Variants in RABL2A observed in about 807,000 individuals in gnomAD.
The protein encoded by RABL2A is RAB, member of RAS oncogene family like 2A.
A neutral mutation model predicts 30.7 loss-of-function variants in RABL2A; 17 were observed. The ratio of observed to expected loss-of-function variants is 0.55; its 90% CI spans 0.38 to 0.83. The LOEUF (loss-of-function observed/expected upper bound fraction) is 0.83. RABL2A is among the 40% of genes least tolerant of loss of function. The pLI is 0.00. For missense variants in RABL2A, 155 were observed against 272.6 expected, an observed-to-expected ratio of 0.57 and a Z score of 3.04; for synonymous variants, 64 against 101.8, an observed-to-expected ratio of 0.63 and a Z score of 2.24.
At chr2:113,640,812 G>A in intron 5 of RABL2A, 82 bp from the exon 6 acceptor site, 1 of 1,594,108 alleles carries the variant, frequency 6.3e-7, no homozygotes, top group African/African-American at 1.3e-5. Flanking sequence ...ATGCTTACCT[G>A]CTTGGGTGTG....
intron 5 of RABL2A, 107 bp from the exon 6 acceptor site, chr2:113,640,787 C>G: frequency 6.4e-7 from 1 of 1,571,500 alleles, no homozygotes; most frequent in East Asian, 2.4e-5. Context: ...TTCCCACAAA[C>G]AGCACCATGT....
chr2:113,633,900 G>C, intron 3 of RABL2A: 3 of 637,176 alleles, frequency 4.7e-6, no homozygotes, highest in Non-Finnish European at 5.1e-6. Context: ...GTAAAATCCT[G>C]TTCTGTGTTT....
intron 5 of RABL2A, 197 bp downstream of exon 5, chr2:113,635,327 C>T (rs1010816531): frequency 3.7e-5 from 22 of 600,928 alleles, no homozygotes; most frequent in African/African-American, 2.8e-4. Context: ...TCTCTGTAGG[C>T]GGGGATGGGT....
intron 5 of RABL2A, among the ~76,000 whole-genome samples, chr2:113,635,750 C>A (rs2922399): frequency 6.6e-6 from 1 of 152,268 alleles, no homozygotes; most frequent in African/African-American, 2.4e-5. Flanking sequence ...TCCCTGGCTG[C>A]GTTCTCAGGC....
At chr2:113,633,102 C>T (rs765213105) in intron 3 of RABL2A, 158 bp downstream of exon 3, 28 of 1,112,288 alleles carry the variant, frequency 2.5e-5, no homozygotes, top group Middle Eastern at 2.0e-4. Context: ...TGTTTCTTGC[C>T]GATTGACCCA....
chr2:113,634,355 C>T, intron 4 of RABL2A, 123 bp downstream of exon 4: 1 of 1,320,468 alleles, frequency 7.6e-7, no homozygotes, highest in Admixed American at 2.1e-5. Flanking sequence ...CAGGCAGGGA[C>T]AAGGGGTGCT....
At position 113,634,142 on chromosome 2, in the gene RABL2A, C is replaced by T; in HGVS notation, c.138-11C>T. 1 of 1,605,774 alleles carries T rather than the reference C, an allele frequency of 6.2e-7. No homozygotes were observed. The highest frequency in any genetic ancestry group is 8.5e-7 in the Non-Finnish European group (1 of 1,175,994). The stretch of plus-strand genomic sequence containing the variant: ...CCCTTTTATTGATTTTGCTCCTTAA[C>T]CTGAGTGCAGTCAGCCACAGCAGCT... On this transcript the variant is annotated splice_polypyrimidine_tract_variant and intron_variant, in intron 3 of 8. Coordinates refer to ENST00000683472, the MANE Select transcript of RABL2A (RefSeq NM_001306158.2).
chr2:113,637,488 T>C (rs1049110366), intron 5 of RABL2A: 62 of 1,138,556 alleles, frequency 5.4e-5, no homozygotes, highest in Non-Finnish European at 6.6e-5. Flanking sequence ...GACTGACTGG[T>C]AGGCACAGTA....
In RABL2A at chr2:113,641,418, G is replaced by T. The variant is rs200121688; in HGVS notation, c.475G>T (p.Val159Phe). The change falls in exon 7 of 9, where the codon GTC becomes TTC. Residue 159 changes from valine to phenylalanine, a missense_variant. Physicochemically the swap from Val to Phe is conservative, Grantham distance 50 (BLOSUM62 -1). Coordinates refer to ENST00000683472, the MANE Select transcript of RABL2A (RefSeq NM_001306158.2). ...GAAGTTCTCCCTGCCCCTGTATTTCGTCTCGGCTGCTGATGGTACCAATGT... is the reference window on the plus strand; with the variant it reads ...GAAGTTCTCCCTGCCCCTGTATTTCTTCTCGGCTGCTGATGGTACCAATGT... Reference protein sequence around the residue: ...AKKFSLPLYFVSAADGTNVVK... With the variant: ...AKKFSLPLYFFSAADGTNVVK... 1.5e-4 allele frequency: 241 copies of T among 1,611,782 alleles called. No individual in the cohort carries two copies. Among genetic ancestry groups the T allele is most frequent in the Non-Finnish European group, 1.5e-4 (177 of 1,179,180 alleles).
chr2:113,632,403 C>T lies in RABL2A; in HGVS notation c.108-512C>T, dbSNP rs373761695. Among the ~76,000 whole-genome samples the T allele has an allele frequency of 7.7e-4, 117 of 152,302 alleles. 2 individuals are homozygous for T. The East Asian group carries it at 0.021, about 28-fold the overall frequency. ...CAATAACCAATAGATTAAGCAGATT[C>T]TCCTGTCTCAGCCTCCTGAGTAGCT... On this transcript the variant is annotated intron_variant, in intron 2 of 8. Coordinates refer to ENST00000683472, the MANE Select transcript of RABL2A (RefSeq NM_001306158.2).
At chr2:113,631,160 G>T (rs993518493) in intron 2 of RABL2A, among the ~76,000 whole-genome samples, 2 of 152,112 alleles carry the variant, frequency 1.3e-5, no homozygotes, top group Non-Finnish European at 2.9e-5. Context: ...CTCCCAAAGC[G>T]CTGGGATTAC....
chr2:113,630,633 CTT>C (rs762784349), intron 2 of RABL2A, among the ~76,000 whole-genome samples: 2 of 141,846 alleles, frequency 1.4e-5, no homozygotes, highest in Non-Finnish European at 1.5e-5. Flanking sequence ...TTTAAGGTGC[CTT>C]TTTTTTTTTT....
chr2:113,629,660 G>A (rs1389146245), intron 2 of RABL2A, among the ~76,000 whole-genome samples: 1 of 151,872 alleles, frequency 6.6e-6, no homozygotes, highest in Non-Finnish European at 1.5e-5. Context: ...ACAGCCTTGC[G>A]AGTAGCTAGG....
intron 5 of RABL2A, among the ~76,000 whole-genome samples, chr2:113,635,751 G>A (rs1394764903): frequency 2.6e-5 from 4 of 152,212 alleles, no homozygotes; most frequent in Admixed American, 2.6e-4. Context: ...CCCTGGCTGC[G>A]TTCTCAGGCC....
intron 4 of RABL2A, chr2:113,634,536 G>A (rs1681721274): frequency 1.9e-5 from 9 of 479,482 alleles, no homozygotes; most frequent in Admixed American, 1.0e-4. Flanking sequence ...AGAGGCCTTC[G>A]ACGAGGCAGT....
chr2:113,638,671 C>T, intron 5 of RABL2A: 1 of 516,004 alleles, frequency 1.9e-6, no homozygotes, highest in Non-Finnish European at 2.5e-6. Flanking sequence ...AGTTCGAGAC[C>T]AGCCTGACCA....
Position 113,643,161 on chromosome 2 carries a change from A to C in RABL2A, c.*1032A>C, listed in dbSNP as rs1254421399. The C allele has an allele frequency of 2.2e-6, 1 of 455,296 alleles. No homozygotes were observed. The highest frequency in any genetic ancestry group is 2.4e-5 in the Admixed American group (1 of 42,268). 28.2% of individuals were successfully genotyped at this position (455,296 alleles called of 1,614,324 possible). On this transcript the variant is annotated 3_prime_UTR_variant, in exon 9 of 9. Coordinates refer to ENST00000683472, the MANE Select transcript of RABL2A (RefSeq NM_001306158.2). ...GAGCTTCCTTTAAAGTTCCTATTTCAGCATAAAGAGGCTGTCCTTTTTTTT... is the reference window on the plus strand; with the variant it reads ...GAGCTTCCTTTAAAGTTCCTATTTCCGCATAAAGAGGCTGTCCTTTTTTTT...
chr2:113,633,021 C>T (rs2592670), intron 3 of RABL2A, 77 bp downstream of exon 3: 1 of 1,606,810 alleles, frequency 6.2e-7, no homozygotes. Context: ...CACTGCCCAC[C>T]CCTTTGTACC....
chr2:113,637,615 A>G, intron 5 of RABL2A: 3 of 1,213,566 alleles, frequency 2.5e-6, no homozygotes, highest in Non-Finnish European at 3.2e-6. Context: ...AATCCCTTGA[A>G]AAATTCCAAA....
Sources: allele counts gnomAD v4.1 joint callset (sites outside exome capture counted in the v4.1 genomes callset), GRCh38; gene constraint gnomAD v4.1.1; transcripts MANE v1.5; gene names NCBI Gene and HGNC (gene_info 2026-07-23, HGNC 2026-07-21).